The following RAMP3 variants were observed in gnomAD, a reference collection of about 807,000 sequenced individuals.
RAMP3 encodes receptor activity modifying protein 3, also known as receptor activity-modifying protein 3.
In RAMP3, 14 loss-of-function variants were observed where a neutral mutation model predicts 13.5. The observed-to-expected ratio is 1.04, with a 90% CI of 0.69 to 1.63. The LOEUF is 1.63. RAMP3 is among the 40% of genes most tolerant of loss of function. The probability of loss-of-function intolerance (pLI) is 0.00; values close to 1 mark genes in which losing one functional copy is unlikely to be tolerated. For synonymous variants in RAMP3, 106 were observed against 88.3 expected, an observed-to-expected ratio of 1.20 and a Z score of -1.12; for missense variants, 200 against 204.8, an observed-to-expected ratio of 0.98 and a Z score of 0.14.
At chr7:45,182,464 A>G (rs1786335796) in intron 2 of RAMP3, among the ~76,000 whole-genome samples, 1 of 152,210 alleles carries the variant, frequency 6.6e-6, no homozygotes, top group Admixed American at 6.5e-5. Flanking sequence ...GCCCTTGGTC[A>G]GCATGAGGAC....
At chr7:45,180,051 G>A (rs910590285) in intron 2 of RAMP3, among the ~76,000 whole-genome samples, 5 of 152,254 alleles carry the variant, frequency 3.3e-5, no homozygotes, top group African/African-American at 4.8e-5. Flanking sequence ...AGGGAGAAAC[G>A]AAAATACTGT....
chr7:45,170,552 T>G (rs1298225230), intron 1 of RAMP3, among the ~76,000 whole-genome samples: 1 of 152,218 alleles, frequency 6.6e-6, no homozygotes, highest in Non-Finnish European at 1.5e-5. Flanking sequence ...TTAGCCAGGA[T>G]GATCTCGGTC....
At chr7:45,183,085 C>G (rs997377543) in intron 2 of RAMP3, 72 bp from the exon 3 acceptor site, 20 of 1,579,570 alleles carry the variant, frequency 1.3e-5, no homozygotes, top group Non-Finnish European at 1.4e-5. Context: ...CACCCATCTT[C>G]CTGGCCTCAG....
chr7:45,182,243 G>A (rs758079141), intron 2 of RAMP3, among the ~76,000 whole-genome samples: 30 of 152,186 alleles, frequency 2.0e-4, no homozygotes, highest in Admixed American at 5.9e-4. Flanking sequence ...CAGCACAGAC[G>A]TGGGGAAGTG....
intron 1 of RAMP3, among the ~76,000 whole-genome samples, chr7:45,175,774 T>C (rs1786170052): frequency 6.6e-6 from 1 of 152,108 alleles, no homozygotes; most frequent in African/African-American, 2.4e-5. Context: ...CCTTTGGCCT[T>C]AGACAAGCCA....
intron 1 of RAMP3, chr7:45,163,057 ATC>A (rs751981715): frequency 1.6e-6 from 1 of 631,518 alleles, no homozygotes; most frequent in Non-Finnish European, 2.0e-6. Flanking sequence ...ATTGCTTTCC[ATC>A]TCTCAGTCTC....
At chr7:45,162,206 C>T (rs188350905) in intron 1 of RAMP3, among the ~76,000 whole-genome samples, 3 of 152,256 alleles carry the variant, frequency 2.0e-5, no homozygotes, top group Non-Finnish European at 2.9e-5. Context: ...GGGCCTCCAT[C>T]GTCCCATCTC....
At position 45,179,990 on chromosome 7, in the gene RAMP3, A is replaced by G. The variant is rs1786271798; in HGVS notation, c.191+2549A>G. The stretch of plus-strand genomic sequence containing the variant: ...GGATGCAAGGACCTGAGAATTTCGG[A>G]CTGTGATTTCTCAGCTAGTGTGCTA... On this transcript the variant is annotated intron_variant, in intron 2 of 2. Transcript: ENST00000242249. Among the ~76,000 whole-genome samples, 3 of 152,220 alleles carry G rather than the reference A, an allele frequency of 2.0e-5. 1 individual carries two copies. The South Asian group carries it at 6.2e-4, about 32-fold the overall frequency.
intron 2 of RAMP3, among the ~76,000 whole-genome samples, chr7:45,179,332 C>T (rs1005384523): frequency 6.7e-6 from 1 of 148,150 alleles, no homozygotes; most frequent in Admixed American, 7.0e-5. Flanking sequence ...CCCAGTGTCT[C>T]ATCAGCTCTC....
intron 1 of RAMP3, among the ~76,000 whole-genome samples, chr7:45,169,138 T>A (rs904775343): frequency 1.3e-5 from 2 of 152,250 alleles, no homozygotes; most frequent in East Asian, 3.8e-4. Flanking sequence ...TTGGTCATGG[T>A]GTATAATCCT....
chr7:45,173,862 T>C (rs3757576), intron 1 of RAMP3, among the ~76,000 whole-genome samples: 12,174 of 152,192 alleles, frequency 0.08, 568 homozygotes, highest in East Asian at 0.12. Context: ...GGTCCTCACA[T>C]TCATGGCGCA....
chr7:45,176,163 A>G (rs1428856224), intron 1 of RAMP3, among the ~76,000 whole-genome samples: 1 of 152,132 alleles, frequency 6.6e-6, no homozygotes, highest in Non-Finnish European at 1.5e-5. Context: ...TGTATCCCTC[A>G]TCTTGCGGAT....
rs780230853 is a variant in RAMP3, at chr7:45,183,246, C to T, written c.281C>T (p.Thr94Ile). ...AACCCCCTGGCCCAGGGCTTCATCACCGGCATCCACAGGCAGTTCTTCTCC... is the reference window on the plus strand; with the variant it reads ...AACCCCCTGGCCCAGGGCTTCATCATCGGCATCCACAGGCAGTTCTTCTCC... ...WPNPLAQGFI[T>I]GIHRQFFSNC... The change falls in exon 3 of 3, where the codon ACC becomes ATC. Residue 94 changes from threonine (T) to isoleucine (I), a missense_variant. Coordinates refer to ENST00000242249, the MANE Select transcript of RAMP3 (RefSeq NM_005856.3). 2.9e-5 allele frequency: 46 copies of T among 1,613,856 alleles called. No individual in the cohort carries two copies. The highest frequency in any genetic ancestry group is 3.3e-5 in the Non-Finnish European group (39 of 1,180,034).
rs1200630949 is a variant in RAMP3 at position 45,183,256 on chromosome 7, C to T, written c.291C>T (p.His97=). Residue 97 remains histidine, a synonymous_variant, in exon 3 of 3, where the codon CAC becomes CAT. Transcript: ENST00000242249. The part of the protein sequence containing the change: ...PLAQGFITGI[H]RQFFSNCTVD... Reference sequence around the variant, plus strand: ...CCCAGGGCTTCATCACCGGCATCCACAGGCAGTTCTTCTCCAACTGCACCG... The same window carrying T: ...CCCAGGGCTTCATCACCGGCATCCATAGGCAGTTCTTCTCCAACTGCACCG... 2 of 1,614,068 alleles carry T rather than the reference C, an allele frequency of 1.2e-6. No homozygotes were observed. The highest frequency in any genetic ancestry group is 1.7e-5 in the Admixed American group (1 of 60,032).
At chr7:45,168,810 T>C (rs764008166) in intron 1 of RAMP3, among the ~76,000 whole-genome samples, 1 of 152,230 alleles carries the variant, frequency 6.6e-6, no homozygotes, top group Non-Finnish European at 1.5e-5. Context: ...CCAGTAATTA[T>C]GTTGAATAGA....
rs1785789792 is a variant in RAMP3 at position 45,157,901 on chromosome 7, G to A, written c.58+15G>A. On this transcript the variant is annotated intron_variant, in intron 1 of 2. Transcript: ENST00000242249. ...GCTGCTCTGCGGTAAGGGGGCGACG[G>A]CCCGCACCGGGGGCGCCCCCACTCC... is the stretch of plus-strand genomic sequence containing the variant. 2 of 1,352,910 alleles carry A rather than the reference G, an allele frequency of 1.5e-6. No homozygotes were observed. The highest frequency in any genetic ancestry group is 1.9e-6 in the Non-Finnish European group (2 of 1,057,366). The allele number at this position is 1,352,910 out of a possible 1,614,324, so 83.8% of individuals were successfully genotyped here.
At chr7:45,162,798 T>C (rs905765151) in intron 1 of RAMP3, among the ~76,000 whole-genome samples, 29 of 152,134 alleles carry the variant, frequency 1.9e-4, no homozygotes, top group Non-Finnish European at 8.8e-5. Flanking sequence ...ACATTGAGGC[T>C]CAGAGGGGCA....
intron 1 of RAMP3, among the ~76,000 whole-genome samples, chr7:45,170,168 C>T (rs201856952): frequency 3.4e-5 from 5 of 146,642 alleles, no homozygotes; most frequent in African/African-American, 5.0e-5. Context: ...TTTTAATGAG[C>T]TTTGATTTTG....
intron 2 of RAMP3, among the ~76,000 whole-genome samples, chr7:45,178,410 C>T (rs557044416): frequency 1.1e-4 from 17 of 152,348 alleles, no homozygotes; most frequent in African/African-American, 3.8e-4. Flanking sequence ...AATGTGCTGG[C>T]CTCATGCTTT....
Sources: gnomAD v4.1 joint callset for allele counts (sites outside exome capture counted in the v4.1 genomes callset) on GRCh38, gnomAD v4.1.1 for gene constraint, MANE v1.5 for transcripts, NCBI Gene and HGNC (gene_info 2026-07-23, HGNC 2026-07-21) for gene names.